The following CCDC60 variants were observed in gnomAD, a reference collection of about 807,000 sequenced individuals.
CCDC60 encodes the protein coiled-coil domain containing 60.
CCDC60 carries 54 observed loss-of-function variants against 63.5 expected under a neutral mutation model. That is an observed-to-expected ratio of 0.85 (90% CI 0.68 to 1.07). The LOEUF is 1.07. CCDC60 is among the 50% of genes least tolerant of loss of function. The pLI, the probability that CCDC60 is intolerant of heterozygous loss-of-function variation, is 0.00. For synonymous variants in CCDC60, 206 were observed against 238.8 expected (o/e 0.86, Z 1.27); for missense variants, 651 against 684.3 (o/e 0.95, Z 0.54).
At chr12:119,409,006 A>G (rs1956545521) in intron 1 of CCDC60, among the ~76,000 whole-genome samples, 1 of 152,162 alleles carries the variant, frequency 6.6e-6, no homozygotes, top group Non-Finnish European at 1.5e-5. Context: ...CTCAGAAGGG[A>G]CATTGCATCA....
intron 7 of CCDC60, among the ~76,000 whole-genome samples, chr12:119,509,441 A>T (rs708880): frequency 6.6e-6 from 1 of 151,770 alleles, no homozygotes; most frequent in African/African-American, 2.4e-5. Flanking sequence ...CCCATCTCTA[A>T]AGATAAAATA....
At chr12:119,417,434 AC>A (rs1355682546) in intron 1 of CCDC60, among the ~76,000 whole-genome samples, 2 of 151,896 alleles carry the variant, frequency 1.3e-5, no homozygotes, top group African/African-American at 4.8e-5. Context: ...TTTTCTTTCT[AC>A]CCCCCTTTTT....
At chr12:119,351,627 G>A (rs992015090) in intron 1 of CCDC60, among the ~76,000 whole-genome samples, 1 of 152,170 alleles carries the variant, frequency 6.6e-6, no homozygotes, top group Admixed American at 6.5e-5. Flanking sequence ...TTTATTGTAA[G>A]AACAGAACCA....
chr12:119,458,662 G>A (rs536483914), intron 2 of CCDC60, among the ~76,000 whole-genome samples: 68 of 152,320 alleles, frequency 4.5e-4, no homozygotes, highest in African/African-American at 1.4e-3. Flanking sequence ...GAGGGAGGCC[G>A]ATTCAGGTCA....
At chr12:119,432,491 G>A (rs1440038267) in intron 2 of CCDC60, among the ~76,000 whole-genome samples, 2 of 152,162 alleles carry the variant, frequency 1.3e-5, no homozygotes, top group African/African-American at 4.8e-5. Flanking sequence ...TACTAGCTGA[G>A]TATTATCAGC....
intron 7 of CCDC60, 111 bp downstream of exon 7, chr12:119,505,414 G>A (rs1312431989): frequency 1.5e-6 from 1 of 681,462 alleles, no homozygotes; most frequent in South Asian, 1.8e-5. Context: ...AGGTGACATG[G>A]GATCCCGCAT....
intron 7 of CCDC60, among the ~76,000 whole-genome samples, chr12:119,515,054 A>G (rs1952319229): frequency 6.6e-6 from 1 of 152,238 alleles, no homozygotes. Context: ...CCAGGTGTAT[A>G]GTAAGCTATG....
chr12:119,478,603 C>CTTT (rs35215523), intron 3 of CCDC60, among the ~76,000 whole-genome samples: 25 of 87,082 alleles, frequency 2.9e-4, no homozygotes, highest in Non-Finnish European at 3.7e-4. Context: ...AAGGCAGGGA[C>CTTT]TTTTTTTTTT....
chr12:119,509,046 A>C (rs1952135905), intron 7 of CCDC60, among the ~76,000 whole-genome samples: 1 of 151,986 alleles, frequency 6.6e-6, no homozygotes, highest in African/African-American at 2.4e-5. Flanking sequence ...CACCTGCAAC[A>C]CTGCAGGCAT....
At chr12:119,518,831 G>A (rs1194897263) in intron 8 of CCDC60, among the ~76,000 whole-genome samples, 1 of 152,080 alleles carries the variant, frequency 6.6e-6, no homozygotes, top group Non-Finnish European at 1.5e-5. Context: ...TCCCATATAT[G>A]TCAAAGAGCA....
chr12:119,488,843 T>G lies in CCDC60; in HGVS notation c.534T>G (p.Pro178=). ...ACCACACCCACCACACCATGAAGCCTGTGATCACCTGCTGGAACCCAAAGT... is the reference window on the plus strand; with the variant it reads ...ACCACACCCACCACACCATGAAGCCGGTGATCACCTGCTGGAACCCAAAGT... ...TIDHTHHTMK[P]VITCWNPKDP... Residue 178 remains proline (P), a synonymous_variant, in exon 5 of 14, where the codon CCT becomes CCG. Transcript: ENST00000327554. The G allele has an allele frequency of 6.2e-7, 1 of 1,614,150 alleles. No individual in the cohort carries two copies.
chr12:119,406,789 C>A lies in CCDC60; in HGVS notation c.91-21894C>A, dbSNP rs549298606. On this transcript the variant is annotated intron_variant, in intron 1 of 13. Transcript: ENST00000327554. ...CCAGCCCCACCCACTTACCTACATACCCCCACTGATCCTCAGGCTGAAGCC... is the reference window on the plus strand; with the variant it reads ...CCAGCCCCACCCACTTACCTACATAACCCCACTGATCCTCAGGCTGAAGCC... Among the ~76,000 whole-genome samples the A allele has an allele frequency of 1.9e-3, 287 of 152,146 alleles. 3 individuals carry two copies. Among genetic ancestry groups the A allele is most frequent in the South Asian group, 8.3e-4 (4 of 4,812 alleles).
In CCDC60 at chr12:119,500,097, A is replaced by G; in HGVS notation, c.577A>G (p.Ser193Gly). Residue 193 changes from serine (S) to glycine (G), a missense_variant, in exon 6 of 14, where the codon AGC becomes GGC. Transcript: ENST00000327554. ...ACTCAGGGACCCGGGTGGAAGCAAGAGCACCATTAAAAAAATCAATAAGGA... is the reference window on the plus strand; with the variant it reads ...ACTCAGGGACCCGGGTGGAAGCAAGGGCACCATTAAAAAAATCAATAAGGA... ...WNPKDPGGSK[S>G]TIKKINKDKS... 1 of 1,612,420 alleles carries G rather than the reference A, an allele frequency of 6.2e-7. No homozygotes were observed. The highest frequency in any genetic ancestry group is 8.5e-7 in the Non-Finnish European group (1 of 1,179,258).
chr12:119,355,599 T>A (rs1227497085), intron 1 of CCDC60, among the ~76,000 whole-genome samples: 1 of 152,096 alleles, frequency 6.6e-6, no homozygotes, highest in Non-Finnish European at 1.5e-5. Flanking sequence ...CAGGGAAGAA[T>A]TCAAGGTCAA....
intron 1 of CCDC60, among the ~76,000 whole-genome samples, chr12:119,362,208 G>C (rs1955798329): frequency 6.6e-6 from 1 of 152,140 alleles, no homozygotes; most frequent in Non-Finnish European, 1.5e-5. Flanking sequence ...TAGGATGCAT[G>C]AGAAGGGGCT....
chr12:119,440,254 G>C (rs1194204782), intron 2 of CCDC60, among the ~76,000 whole-genome samples: 1 of 152,130 alleles, frequency 6.6e-6, no homozygotes, highest in African/African-American at 2.4e-5. Flanking sequence ...AATCCGACCG[G>C]GCACGGTGGC....
Position 119,490,167 on chromosome 12 carries a change from C to G in CCDC60, c.557+1301C>G, listed in dbSNP as rs559700489. ...CCCATCCCCTAGATCTCCTCCACCC[C>G]CAAGTCATCTCTTACACCAGGACCC... On this transcript the variant is annotated intron_variant, in intron 5 of 13. Transcript: ENST00000327554. Among the ~76,000 whole-genome samples the G allele has an allele frequency of 5.5e-4, 84 of 152,280 alleles. 1 individual carries two copies. The South Asian group carries it at 0.016, about 29-fold the overall frequency.
chr12:119,343,319 C>T (rs1026975498), intron 1 of CCDC60, among the ~76,000 whole-genome samples: 49 of 152,204 alleles, frequency 3.2e-4, no homozygotes, highest in Non-Finnish European at 1.0e-4. Flanking sequence ...AATCGGCTTG[C>T]AAGCTTGGAA....
intron 13 of CCDC60, among the ~76,000 whole-genome samples, chr12:119,531,935 T>C (rs149208365): frequency 2.6e-5 from 4 of 152,266 alleles, no homozygotes; most frequent in African/African-American, 9.6e-5. Context: ...ATATGTGCAT[T>C]TTAACAGGGC....
Sources: allele counts gnomAD v4.1 joint callset (sites outside exome capture counted in the v4.1 genomes callset), GRCh38; gene constraint gnomAD v4.1.1; transcripts MANE v1.5; gene names NCBI Gene and HGNC (gene_info 2026-07-23, HGNC 2026-07-21).